The following THSD7B variants were observed in gnomAD, a reference collection of about 807,000 sequenced individuals.
THSD7B encodes thrombospondin type 1 domain containing 7B.
THSD7B carries 138 observed loss-of-function variants against 213.6 expected under a neutral mutation model. The observed-to-expected ratio is 0.65, with a 90% CI of 0.56 to 0.74. The LOEUF is 0.74. Among genes scored for constraint, THSD7B ranks in the 30% least tolerant of loss-of-function variants. The pLI is 0.00. For synonymous variants in THSD7B, 742 were observed against 687.0 expected (o/e 1.08, Z -1.25); for missense variants, 1,931 against 1,991.5 (o/e 0.97, Z 0.58).
chr2:137,522,637 C>A (rs1022667197), intron 15 of THSD7B, among the ~76,000 whole-genome samples: 2 of 152,022 alleles, frequency 1.3e-5, no homozygotes, highest in African/African-American at 4.8e-5. Context: ...TCCTCTTGCT[C>A]TGGACTTTCC....
At chr2:136,968,062 G>T (rs1382405548) in intron 2 of THSD7B, among the ~76,000 whole-genome samples, 2 of 152,040 alleles carry the variant, frequency 1.3e-5, no homozygotes, top group Non-Finnish European at 2.9e-5. Flanking sequence ...ATTACAAACA[G>T]TGCTGCTCTG....
intron 2 of THSD7B, among the ~76,000 whole-genome samples, chr2:137,042,613 T>C (rs1300205285): frequency 6.6e-6 from 1 of 152,216 alleles, no homozygotes; most frequent in African/African-American, 2.4e-5. Context: ...GAGGGTACAG[T>C]GGTTCCACTT....
chr2:137,242,132 T>G (rs1573907402), intron 9 of THSD7B, among the ~76,000 whole-genome samples: 1 of 152,210 alleles, frequency 6.6e-6, no homozygotes, highest in African/African-American at 2.4e-5. Context: ...TTCAGTTTTT[T>G]CCTTCTGAAA....
chr2:137,256,560 T>C (rs1464886097), intron 10 of THSD7B, among the ~76,000 whole-genome samples: 1 of 152,176 alleles, frequency 6.6e-6, no homozygotes, highest in Non-Finnish European at 1.5e-5. Context: ...ACAACCCATA[T>C]GGGGGAATGA....
At chr2:137,675,253 T>C (rs115969050) in intron 27 of THSD7B, among the ~76,000 whole-genome samples, 195 of 152,044 alleles carry the variant, frequency 1.3e-3, no homozygotes, top group African/African-American at 4.6e-3. Flanking sequence ...AGCTAGATAA[T>C]GGTGATGGTA....
chr2:137,082,642 G>A (rs529737626), intron 3 of THSD7B, among the ~76,000 whole-genome samples: 4 of 152,008 alleles, frequency 2.6e-5, no homozygotes, highest in Admixed American at 2.0e-4. Flanking sequence ...TATATTTTTG[G>A]GTTTCCATTT....
chr2:137,670,870 A>G lies in THSD7B; in HGVS notation c.4739+3009A>G, dbSNP rs534578672. Among the ~76,000 whole-genome samples the G allele has an allele frequency of 2.3e-3, 335 of 143,532 alleles. 1 individual carries two copies. Among genetic ancestry groups the G allele is most frequent in the Non-Finnish European group, 3.8e-3 (257 of 67,018 alleles). The allele number at this position is 143,532 out of a possible 152,430, so 94.2% of individuals were successfully genotyped here. ...CGGGAGGCGGAGCTTGCAGTGAGCC[A>G]AGATTGCGCCACTGCACTGCAGCGT... On this transcript the variant is annotated intron_variant, in intron 27 of 27. Coordinates refer to ENST00000409968, the MANE Select transcript of THSD7B (RefSeq NM_001316349.2).
chr2:137,448,756 G>A (rs993159906), intron 14 of THSD7B, among the ~76,000 whole-genome samples: 41 of 151,808 alleles, frequency 2.7e-4, no homozygotes, highest in Admixed American at 4.6e-4. Flanking sequence ...CCGAGATTGC[G>A]CCACTGCACT....
intron 3 of THSD7B, among the ~76,000 whole-genome samples, chr2:137,081,047 ACT>A (rs1329790945): frequency 6.6e-6 from 1 of 152,076 alleles, no homozygotes; most frequent in African/African-American, 2.4e-5. Flanking sequence ...TGATTTGTAT[ACT>A]GTTTTGAGAA....
At chr2:136,778,533 G>A (rs1681656281) in intron 1 of THSD7B, among the ~76,000 whole-genome samples, 1 of 152,036 alleles carries the variant, frequency 6.6e-6, no homozygotes, top group Non-Finnish European at 1.5e-5. Flanking sequence ...TCCTACCCAG[G>A]AATTCACACA....
chr2:137,530,832 C>G (rs112695225), intron 15 of THSD7B, among the ~76,000 whole-genome samples: 3 of 151,978 alleles, frequency 2.0e-5, no homozygotes, highest in African/African-American at 7.2e-5. Flanking sequence ...AGTGACAAGG[C>G]TTGACTTCAC....
At chr2:137,033,855 T>C (rs538280431) in intron 2 of THSD7B, among the ~76,000 whole-genome samples, 1 of 152,180 alleles carries the variant, frequency 6.6e-6, no homozygotes, top group East Asian at 1.9e-4. Flanking sequence ...GCTCCTTACA[T>C]AGGTATACAT....
intron 2 of THSD7B, among the ~76,000 whole-genome samples, chr2:136,962,530 A>G (rs921705980): frequency 8.9e-5 from 13 of 146,372 alleles, no homozygotes; most frequent in African/African-American, 2.8e-4. Context: ...TCCACAGTCT[A>G]TTGTGTGTGG....
intron 12 of THSD7B, among the ~76,000 whole-genome samples, chr2:137,389,856 T>G (rs978697316): frequency 6.6e-6 from 1 of 152,186 alleles, no homozygotes; most frequent in Non-Finnish European, 1.5e-5. Flanking sequence ...TATTAGTACC[T>G]TTGTAAAAAA....
intron 2 of THSD7B, among the ~76,000 whole-genome samples, chr2:136,898,066 G>A (rs510863): frequency 0.44 from 66,555 of 152,028 alleles, 15,995 homozygotes; most frequent in Non-Finnish European, 0.55. Context: ...GACACAGAGC[G>A]CTGATCAGTG....
intron 2 of THSD7B, among the ~76,000 whole-genome samples, chr2:136,896,058 T>C (rs1683955138): frequency 6.6e-6 from 1 of 152,244 alleles, no homozygotes; most frequent in Admixed American, 6.5e-5. Flanking sequence ...GTTATGGGCA[T>C]AACATGCAAA....
chr2:137,404,468 T>TACACACACACAC (rs1433746813), intron 12 of THSD7B, among the ~76,000 whole-genome samples: 3 of 73,120 alleles, frequency 4.1e-5, no homozygotes, highest in African/African-American at 1.6e-4. Flanking sequence ...TATATATATA[T>TACACACACACAC]ATATATACAC....
intron 12 of THSD7B, among the ~76,000 whole-genome samples, chr2:137,313,397 G>A (rs1352683131): frequency 6.6e-6 from 1 of 151,762 alleles, no homozygotes; most frequent in East Asian, 1.9e-4. Flanking sequence ...GAGCCTATGT[G>A]TGTTTCTGCA....
intron 15 of THSD7B, among the ~76,000 whole-genome samples, chr2:137,519,114 T>A (rs751008091): frequency 6.8e-4 from 103 of 152,154 alleles, no homozygotes; most frequent in Non-Finnish European, 1.1e-3. Context: ...GGGAGTGGTG[T>A]GGTGGCGTGC....
Sources: gnomAD v4.1 joint callset for allele counts (sites outside exome capture counted in the v4.1 genomes callset) on GRCh38, gnomAD v4.1.1 for gene constraint, MANE v1.5 for transcripts, NCBI Gene and HGNC (gene_info 2026-07-23, HGNC 2026-07-21) for gene names.